MBD5: variants seen among roughly 807,000 people sequenced by gnomAD.
MBD5 encodes the protein methyl-CpG-binding domain protein 5.
A neutral mutation model predicts 117.3 loss-of-function variants in MBD5; 13 were observed. The observed-to-expected ratio is 0.11, with a 90% CI of 0.07 to 0.18. MBD5 has a LOEUF of 0.18. Among genes scored for constraint, MBD5 ranks in the 10% least tolerant of loss-of-function variants. The pLI is 1.00. For synonymous variants in MBD5, 727 were observed against 766.4 expected (o/e 0.95, Z 0.85); for missense variants, 1,879 against 2,093.8 (o/e 0.90, Z 2.00).
At chr2:148,248,163 G>A (rs1700380358) in intron 3 of MBD5, among the ~76,000 whole-genome samples, 1 of 152,114 alleles carries the variant, frequency 6.6e-6, no homozygotes, top group African/African-American at 2.4e-5. Context: ...CTATACTTAA[G>A]GTCCCGTCAG....
Position 148,489,538 on chromosome 2 carries a change from A to G in MBD5, c.3906A>G (p.Gln1302=), listed in dbSNP as rs1277565437. The G allele has an allele frequency of 2.5e-6, 4 of 1,614,210 alleles. No individual in the cohort carries two copies. In the Middle Eastern group the frequency reaches 4.9e-4, roughly 200 times the overall value. ...LQPRIDPSLG[Q]QVKDGLVVGG... ...CGAGGATTGACCCATCTCTTGGTCAACAGGTGAAGGATGGCCTCGTTGTGG... is the reference window on the plus strand; with the variant it reads ...CGAGGATTGACCCATCTCTTGGTCAGCAGGTGAAGGATGGCCTCGTTGTGG... Residue 1302 remains glutamine (Q), a synonymous_variant, in exon 11 of 14, where the codon CAA becomes CAG. Transcript: ENST00000642680.
At chr2:148,150,925 C>T (rs1337192482) in intron 1 of MBD5, among the ~76,000 whole-genome samples, 2 of 151,880 alleles carry the variant, frequency 1.3e-5, no homozygotes, top group Admixed American at 1.3e-4. Context: ...TAATTGAATA[C>T]CCTTTATTTC....
At chr2:148,336,030 TG>T (rs1262030996) in intron 3 of MBD5, among the ~76,000 whole-genome samples, 1 of 152,204 alleles carries the variant, frequency 6.6e-6, no homozygotes, top group Non-Finnish European at 1.5e-5. Context: ...TTTCCACATA[TG>T]GGACTGCAAT....
At chr2:148,287,677 G>T (rs1009851256) in intron 3 of MBD5, among the ~76,000 whole-genome samples, 4 of 152,198 alleles carry the variant, frequency 2.6e-5, no homozygotes, top group Non-Finnish European at 5.9e-5. Flanking sequence ...CATCTGGTGA[G>T]GACCTACTTG....
At chr2:148,037,660 A>G (rs1214106190) in intron 1 of MBD5, among the ~76,000 whole-genome samples, 1 of 151,996 alleles carries the variant, frequency 6.6e-6, no homozygotes, top group Non-Finnish European at 1.5e-5. Context: ...TGTGCAGTGT[A>G]TTCGCATTAT....
rs145626089 is a variant in MBD5, at chr2:148,513,010, T to C, written c.*69T>C. 7 of 1,358,644 alleles carry C rather than the reference T, an allele frequency of 5.2e-6. No individual in the cohort carries two copies. The East Asian group carries it at 1.1e-4, about 22-fold the overall frequency. The allele number at this position is 1,358,644 out of a possible 1,614,324, so 84.2% of individuals were successfully genotyped here. On this transcript the variant is annotated 3_prime_UTR_variant, in exon 14 of 14. Coordinates refer to ENST00000642680, the MANE Select transcript of MBD5 (RefSeq NM_001378120.1). ...GCACAGATGTATCTGTATATAGGTA[T>C]TGATATAGCCACAGTTATATCAATA...
intron 1 of MBD5, among the ~76,000 whole-genome samples, chr2:148,056,848 A>T (rs1212535659): frequency 6.6e-6 from 1 of 151,960 alleles, no homozygotes; most frequent in East Asian, 1.9e-4. Flanking sequence ...ATAACCTATT[A>T]AGGTTGCTTT....
chr2:148,145,768 C>T (rs974664799), intron 1 of MBD5, among the ~76,000 whole-genome samples: 8 of 151,544 alleles, frequency 5.3e-5, no homozygotes, highest in East Asian at 3.9e-4. Context: ...TTGCATATGT[C>T]GAACCAGCCT....
At chr2:148,270,250 G>A (rs1700951872) in intron 3 of MBD5, among the ~76,000 whole-genome samples, 1 of 152,054 alleles carries the variant, frequency 6.6e-6, no homozygotes, top group Non-Finnish European at 1.5e-5. Context: ...AGGTATGCAT[G>A]ACATTAGCCT....
intron 4 of MBD5, among the ~76,000 whole-genome samples, chr2:148,446,046 G>A (rs896010044): frequency 2.7e-5 from 4 of 150,848 alleles, no homozygotes; most frequent in Non-Finnish European, 5.9e-5. Context: ...TTTGTCAGAT[G>A]AGTAGGTTGC....
chr2:148,186,172 C>T (rs1033176983), intron 2 of MBD5, among the ~76,000 whole-genome samples: 14 of 152,126 alleles, frequency 9.2e-5, no homozygotes, highest in Admixed American at 7.9e-4. Flanking sequence ...GTGAGGGACC[C>T]AATGAGAGGT....
intron 3 of MBD5, among the ~76,000 whole-genome samples, chr2:148,332,132 G>A (rs560738345): frequency 2.8e-4 from 42 of 151,758 alleles, no homozygotes; most frequent in Non-Finnish European, 5.6e-4. Flanking sequence ...CAATTTCACA[G>A]GTAATCTACT....
intron 1 of MBD5, among the ~76,000 whole-genome samples, chr2:148,135,638 T>G (rs1318199863): frequency 6.6e-6 from 1 of 152,156 alleles, no homozygotes; most frequent in Non-Finnish European, 1.5e-5. Flanking sequence ...ATTATTTCCC[T>G]TTGCCTAACA....
chr2:148,508,424 T>A (rs1233228412), intron 12 of MBD5, among the ~76,000 whole-genome samples: 2 of 151,730 alleles, frequency 1.3e-5, no homozygotes, highest in Non-Finnish European at 1.5e-5. Flanking sequence ...AAAACACACA[T>A]AAAACAATAC....
rs1421251522 is a variant in MBD5, at chr2:148,032,861, G to C, written c.-925+11177G>C. Among the ~76,000 whole-genome samples, 4 of 151,924 alleles carry C rather than the reference G, an allele frequency of 2.6e-5. No homozygotes were observed. In the East Asian group the frequency reaches 5.8e-4, roughly 22 times the overall value. ...GAAATAACATTGGAAACCAGTCAAC[G>C]TAGTGTCATAAATATAACCAGGTAG... On this transcript the variant is annotated intron_variant, in intron 1 of 13. Transcript: ENST00000642680.
At chr2:148,135,053 C>G (rs993806598) in intron 1 of MBD5, among the ~76,000 whole-genome samples, 7 of 152,196 alleles carry the variant, frequency 4.6e-5, no homozygotes, top group Non-Finnish European at 8.8e-5. Context: ...TCTTTTCTCT[C>G]TGTCCTCAAC....
chr2:148,318,282 T>C (rs1278626308), intron 3 of MBD5, among the ~76,000 whole-genome samples: 2 of 152,036 alleles, frequency 1.3e-5, no homozygotes, highest in Non-Finnish European at 2.9e-5. Context: ...TCATTTACTT[T>C]GCCTACTTCT....
At chr2:148,472,744 T>C (rs1396853594) in intron 8 of MBD5, among the ~76,000 whole-genome samples, 1 of 152,166 alleles carries the variant, frequency 6.6e-6, no homozygotes, top group African/African-American at 2.4e-5. Context: ...AGTATTTCTA[T>C]GATACCAGAA....
At chr2:148,253,953 C>T (rs1700524166) in intron 3 of MBD5, among the ~76,000 whole-genome samples, 1 of 152,212 alleles carries the variant, frequency 6.6e-6, no homozygotes, top group Admixed American at 6.5e-5. Context: ...CCCCAGCCTA[C>T]TCCTGACTAA....
Sources: allele counts gnomAD v4.1 joint callset (sites outside exome capture counted in the v4.1 genomes callset), GRCh38; gene constraint gnomAD v4.1.1; transcripts MANE v1.5; gene names NCBI Gene and HGNC (gene_info 2026-07-23, HGNC 2026-07-21).